The following KHDRBS2 variants were observed in gnomAD, a reference collection of about 807,000 sequenced individuals.
KHDRBS2 encodes the protein KH domain-containing, RNA-binding, signal transduction-associated protein 2.
A neutral mutation model predicts 44.3 loss-of-function variants in KHDRBS2; 26 were observed. The ratio of observed to expected loss-of-function variants is 0.59; its 90% CI spans 0.43 to 0.81. KHDRBS2 has a LOEUF of 0.81. KHDRBS2 is among the 40% of genes least tolerant of loss of function. The pLI is 0.00. For synonymous variants in KHDRBS2, 194 were observed against 151.1 expected, an observed-to-expected ratio of 1.28 and a Z score of -2.08; for missense variants, 476 against 433.1, an observed-to-expected ratio of 1.10 and a Z score of -0.88.
At chr6:62,016,872 T>C (rs1487900230) in intron 3 of KHDRBS2, among the ~76,000 whole-genome samples, 2 of 152,084 alleles carry the variant, frequency 1.3e-5, no homozygotes, top group East Asian at 3.9e-4. Flanking sequence ...CATCTCAATA[T>C]TATATAAAGT....
intron 3 of KHDRBS2, among the ~76,000 whole-genome samples, chr6:62,010,513 G>A (rs1356820446): frequency 6.6e-6 from 1 of 152,108 alleles, no homozygotes; most frequent in East Asian, 1.9e-4. Flanking sequence ...GGGACCAGGG[G>A]TGGAATAATA....
At chr6:61,951,283 G>C (rs13212588) in intron 4 of KHDRBS2, among the ~76,000 whole-genome samples, 47,335 of 151,786 alleles carry the variant, frequency 0.31, 8,034 homozygotes, top group Middle Eastern at 0.4. Flanking sequence ...TGTGCAAAAA[G>C]GAAGTAAATT....
intron 7 of KHDRBS2, among the ~76,000 whole-genome samples, chr6:61,711,346 G>A (rs889568912): frequency 2.2e-4 from 33 of 151,738 alleles, no homozygotes; most frequent in African/African-American, 7.2e-4. Context: ...AGATGTGTTA[G>A]GAAGTATAAC....
At chr6:62,246,226 G>T (rs968159188) in intron 1 of KHDRBS2, among the ~76,000 whole-genome samples, 11 of 150,540 alleles carry the variant, frequency 7.3e-5, no homozygotes, top group Non-Finnish European at 1.6e-4. Flanking sequence ...TATTAAAATA[G>T]GATGTTCTTA....
chr6:62,240,654 GTGTA>G lies in KHDRBS2; in HGVS notation c.91+45200_91+45203del, dbSNP rs1352646512. On this transcript the variant is annotated intron_variant, in intron 1 of 8. Coordinates refer to ENST00000281156, the MANE Select transcript of KHDRBS2 (RefSeq NM_152688.4). ...CACACATATATGTGTGTGTGTATGT[GTGTA>G]TGTATGTGTGTGTGTATATATATAT... Among the ~76,000 whole-genome samples, 359 of 125,446 alleles carry G rather than the reference GTGTA, an allele frequency of 2.9e-3. 1 individual carries two copies. Among genetic ancestry groups the G allele is most frequent in the Non-Finnish European group, 4.7e-3 (284 of 60,284 alleles). The allele number at this position is 125,446 out of a possible 152,430, so 82.3% of individuals were successfully genotyped here. A position where few individuals can be genotyped will look rare whatever the true frequency, so the allele number is the denominator to read the frequency against.
At chr6:61,719,356 T>C (rs2127554430) in intron 7 of KHDRBS2, among the ~76,000 whole-genome samples, 1 of 152,264 alleles carries the variant, frequency 6.6e-6, no homozygotes, top group African/African-American at 2.4e-5. Context: ...TAGAGCTGTT[T>C]TTCTTTTTTT....
the KHDRBS2 span, among the ~76,000 whole-genome samples, chr6:61,573,897 AAC>A: frequency 1.4e-3 from 6 of 4,344 alleles, no homozygotes; most frequent in East Asian, 0.11. Flanking sequence ...TAACTATACT[AAC>A]TAGTTTACAA....
intron 2 of KHDRBS2, among the ~76,000 whole-genome samples, chr6:62,065,450 C>G (rs1008965487): frequency 1.9e-4 from 21 of 108,840 alleles, no homozygotes; most frequent in Admixed American, 3.6e-4. Flanking sequence ...ATACTATGCA[C>G]CCATAAAAAA....
intron 4 of KHDRBS2, among the ~76,000 whole-genome samples, chr6:61,974,207 G>T (rs1772010822): frequency 6.6e-6 from 1 of 152,124 alleles, no homozygotes; most frequent in South Asian, 2.1e-4. Context: ...TACTGAGAAG[G>T]ATTAGAAATA....
chr6:61,585,816 G>C, the KHDRBS2 span, among the ~76,000 whole-genome samples: 1 of 151,958 alleles, frequency 6.6e-6, no homozygotes, highest in Admixed American at 6.6e-5. Context: ...TATAATAATT[G>C]GTATAATTCA....
At chr6:62,000,249 G>C (rs1426035839) in intron 3 of KHDRBS2, among the ~76,000 whole-genome samples, 1 of 152,126 alleles carries the variant, frequency 6.6e-6, no homozygotes, top group East Asian at 1.9e-4. Flanking sequence ...GTGATAGGCA[G>C]ATATGCAGAA....
intron 7 of KHDRBS2, among the ~76,000 whole-genome samples, chr6:61,717,147 A>G (rs1470050746): frequency 6.6e-6 from 1 of 152,046 alleles, no homozygotes; most frequent in East Asian, 1.9e-4. Flanking sequence ...TTTTAATGGT[A>G]TATTTTTAAA....
intron 2 of KHDRBS2, among the ~76,000 whole-genome samples, chr6:62,099,978 A>G (rs1326485322): frequency 6.6e-6 from 1 of 152,252 alleles, no homozygotes; most frequent in Non-Finnish European, 1.5e-5. Context: ...TGTCACAGAT[A>G]GTGATTTCTC....
intron 3 of KHDRBS2, among the ~76,000 whole-genome samples, chr6:61,990,114 A>G (rs1775850789): frequency 6.6e-6 from 1 of 152,090 alleles, no homozygotes. Flanking sequence ...TACGTGGACC[A>G]CCAGAGATCT....
the KHDRBS2 span, among the ~76,000 whole-genome samples, chr6:61,607,899 G>C: frequency 6.6e-6 from 1 of 152,150 alleles, no homozygotes; most frequent in African/African-American, 2.4e-5. Context: ...TGTTGGCCAG[G>C]CTGGTCTCAA....
chr6:61,735,293 A>G (rs1345169765), intron 6 of KHDRBS2, among the ~76,000 whole-genome samples: 1 of 152,128 alleles, frequency 6.6e-6, no homozygotes, highest in Non-Finnish European at 1.5e-5. Context: ...TTTGCAAATT[A>G]GTTCCAGAAA....
chr6:61,626,449 T>A, the KHDRBS2 span, among the ~76,000 whole-genome samples: 1 of 152,204 alleles, frequency 6.6e-6, no homozygotes, highest in Non-Finnish European at 1.5e-5. Flanking sequence ...TGGTATGCAA[T>A]GCAGAAAATA....
chr6:61,797,010 G>A (rs557977250), intron 6 of KHDRBS2, among the ~76,000 whole-genome samples: 2 of 152,074 alleles, frequency 1.3e-5, no homozygotes, highest in South Asian at 4.2e-4. Flanking sequence ...AATAATATAA[G>A]TGATAATACA....
intron 1 of KHDRBS2, among the ~76,000 whole-genome samples, chr6:62,179,785 T>G (rs1821884842): frequency 6.6e-6 from 1 of 151,882 alleles, no homozygotes; most frequent in African/African-American, 2.4e-5. Context: ...AACCTTTCCA[T>G]CAAGAAATGG....
Sources: gnomAD v4.1 joint callset for allele counts (sites outside exome capture counted in the v4.1 genomes callset) on GRCh38, gnomAD v4.1.1 for gene constraint, MANE v1.5 for transcripts, NCBI Gene and HGNC (gene_info 2026-07-23, HGNC 2026-07-21) for gene names.